The following CHRNA7 variants were observed in gnomAD, a reference collection of about 807,000 sequenced individuals.
The protein encoded by CHRNA7 is cholinergic receptor nicotinic alpha 7 subunit.
CHRNA7 carries 17 observed loss-of-function variants against 48.0 expected under a neutral mutation model. That is an observed-to-expected ratio of 0.35 (90% CI 0.24 to 0.53). The LOEUF (loss-of-function observed/expected upper bound fraction) is 0.53, where lower values mean the gene tolerates loss of function less well. Ranked by LOEUF, CHRNA7 falls within the 20% of genes least tolerant of loss-of-function variation. The pLI is 0.92. For synonymous variants in CHRNA7, 75 were observed against 242.3 expected (o/e 0.31, Z 6.41); for missense variants, 155 against 577.7 (o/e 0.27, Z 7.50).
intron 2 of CHRNA7, among the ~76,000 whole-genome samples, chr15:32,036,768 C>CA (rs1902108666): frequency 1.2e-5 from 1 of 84,332 alleles, no homozygotes; most frequent in Non-Finnish European, 2.3e-5. Context: ...GCCAAGTTTT[C>CA]AGTGGGTTTT....
At chr15:32,107,157 C>T (rs1299913128) in intron 3 of CHRNA7, among the ~76,000 whole-genome samples, 1 of 152,138 alleles carries the variant, frequency 6.6e-6, no homozygotes, top group Non-Finnish European at 1.5e-5. Context: ...TTTTCTAGCA[C>T]CAACAACCAA....
intron 2 of CHRNA7, among the ~76,000 whole-genome samples, chr15:32,048,408 T>G (rs1256530407): frequency 6.6e-6 from 1 of 152,210 alleles, no homozygotes; most frequent in African/African-American, 2.4e-5. Context: ...GGAGAGTGTA[T>G]GTGTCGAGGA....
chr15:32,070,645 G>C (rs1296230829), intron 2 of CHRNA7, among the ~76,000 whole-genome samples: 1 of 109,292 alleles, frequency 9.1e-6, no homozygotes, highest in Non-Finnish European at 1.9e-5. Context: ...TTTTTTGTGT[G>C]TGTGAACATG....
intron 2 of CHRNA7, among the ~76,000 whole-genome samples, chr15:32,081,312 AAAAT>A (rs560182849): frequency 1.9e-4 from 29 of 152,320 alleles, no homozygotes; most frequent in East Asian, 1.5e-3. Context: ...TTGAAAAATA[AAAAT>A]AAATAAATTA....
chr15:32,098,168 G>A (rs567639605), intron 2 of CHRNA7, among the ~76,000 whole-genome samples: 2 of 152,210 alleles, frequency 1.3e-5, no homozygotes, highest in South Asian at 4.2e-4. Context: ...AGGCAAGGAA[G>A]TTGAGTGCAG....
chr15:32,079,142 G>C (rs185023711), intron 2 of CHRNA7, among the ~76,000 whole-genome samples: 12 of 152,190 alleles, frequency 7.9e-5, no homozygotes, highest in African/African-American at 2.4e-4. Context: ...GGTATTGATG[G>C]GACATACCTC....
At chr15:32,107,027 C>A (rs939900838) in intron 3 of CHRNA7, among the ~76,000 whole-genome samples, 1 of 152,106 alleles carries the variant, frequency 6.6e-6, no homozygotes, top group Admixed American at 6.5e-5. Flanking sequence ...TTATGTCTCA[C>A]CAAGAGAAGA....
At chr15:32,050,160 T>G (rs1456193578) in intron 2 of CHRNA7, among the ~76,000 whole-genome samples, 6 of 152,208 alleles carry the variant, frequency 3.9e-5, no homozygotes, top group Non-Finnish European at 8.8e-5. Flanking sequence ...CTTTGTGGTG[T>G]TCTCTGTATT....
intron 4 of CHRNA7, among the ~76,000 whole-genome samples, chr15:32,146,179 A>G (rs983483397): frequency 1.3e-5 from 2 of 152,260 alleles, no homozygotes; most frequent in Non-Finnish European, 2.9e-5. Context: ...AAAAAAGTCC[A>G]TTAATATAAT....
At chr15:32,032,285 A>G (rs1051707075) in intron 2 of CHRNA7, among the ~76,000 whole-genome samples, 4 of 152,174 alleles carry the variant, frequency 2.6e-5, no homozygotes, top group Non-Finnish European at 4.4e-5. Context: ...CATGTGTTGC[A>G]GAGCAGCAAA....
intron 4 of CHRNA7, among the ~76,000 whole-genome samples, chr15:32,120,008 C>G (rs2050939768): frequency 6.6e-6 from 1 of 152,220 alleles, no homozygotes; most frequent in South Asian, 2.1e-4. Flanking sequence ...TCCTGGTCTT[C>G]AGCACCCTGG....
At chr15:32,053,023 AT>A (rs1313315504) in intron 2 of CHRNA7, among the ~76,000 whole-genome samples, 1 of 152,178 alleles carries the variant, frequency 6.6e-6, no homozygotes, top group Non-Finnish European at 1.5e-5. Context: ...AAATAAAAAA[AT>A]CTGTAATGCA....
intron 2 of CHRNA7, among the ~76,000 whole-genome samples, chr15:32,096,817 G>A (rs887576774): frequency 3.3e-5 from 5 of 152,182 alleles, no homozygotes; most frequent in Non-Finnish European, 5.9e-5. Flanking sequence ...TAAAAAGCAC[G>A]ATCACTTAAA....
chr15:32,031,167 C>T (rs943445847), intron 2 of CHRNA7, 130 bp downstream of exon 2: 13 of 1,092,256 alleles, frequency 1.2e-5, no homozygotes, highest in Non-Finnish European at 1.6e-5. Context: ...CTAGGCAGGG[C>T]CATGCTCTGA....
chr15:32,125,887 G>C (rs2051057652), intron 4 of CHRNA7, among the ~76,000 whole-genome samples: 1 of 152,078 alleles, frequency 6.6e-6, no homozygotes, highest in African/African-American at 2.4e-5. Flanking sequence ...GGAGGTATTT[G>C]GTGGCTGGAA....
intron 2 of CHRNA7, among the ~76,000 whole-genome samples, chr15:32,083,577 TAAG>T (rs894340616): frequency 2.0e-5 from 3 of 152,130 alleles, no homozygotes; most frequent in Admixed American, 1.3e-4. Flanking sequence ...AGGGATGAGA[TAAG>T]GAGGGTGGAT....
At chr15:32,119,254 G>T (rs1016450334) in intron 4 of CHRNA7, among the ~76,000 whole-genome samples, 3 of 152,218 alleles carry the variant, frequency 2.0e-5, no homozygotes, top group Non-Finnish European at 4.4e-5. Flanking sequence ...GGTTGTCTTT[G>T]TATGTGTCTG....
chr15:32,097,088 C>T (rs1288091637), intron 2 of CHRNA7, among the ~76,000 whole-genome samples: 1 of 152,130 alleles, frequency 6.6e-6, no homozygotes, highest in Non-Finnish European at 1.5e-5. Flanking sequence ...CTCTTCCCAC[C>T]TGCTGTAGCA....
chr15:32,119,653 T>C (rs1430544815), intron 4 of CHRNA7, among the ~76,000 whole-genome samples: 2 of 152,236 alleles, frequency 1.3e-5, no homozygotes, highest in Non-Finnish European at 2.9e-5. Flanking sequence ...TATTTATTCA[T>C]ATTCTCCTCT....
Sources: gnomAD v4.1 joint callset for allele counts (sites outside exome capture counted in the v4.1 genomes callset) on GRCh38, gnomAD v4.1.1 for gene constraint, MANE v1.5 for transcripts, NCBI Gene and HGNC (gene_info 2026-07-23, HGNC 2026-07-21) for gene names.